The following PLCB4 variants were observed in gnomAD, a reference collection of about 807,000 sequenced individuals.
PLCB4 encodes the protein phospholipase C beta 4.
Under a neutral mutation model 178.8 loss-of-function variants are expected in PLCB4, and 77 were observed. The observed-to-expected ratio is 0.43, with a 90% CI of 0.36 to 0.52. PLCB4 has a LOEUF of 0.52. Ranked by LOEUF, PLCB4 falls within the 20% of genes least tolerant of loss-of-function variation. The probability of loss-of-function intolerance (pLI) is 0.00; values close to 1 mark genes in which losing one functional copy is unlikely to be tolerated. For synonymous variants in PLCB4, 496 were observed against 490.8 expected, an observed-to-expected ratio of 1.01 and a Z score of -0.14; for missense variants, 1,024 against 1,453.4, an observed-to-expected ratio of 0.70 and a Z score of 4.80.
chr20:9,458,735 G>A (rs1344682353), intron 34 of PLCB4, among the ~76,000 whole-genome samples: 1 of 152,098 alleles, frequency 6.6e-6, no homozygotes, highest in Non-Finnish European at 1.5e-5. Context: ...TCCAGCCTCT[G>A]CTTGCATCAC....
intron 32 of PLCB4, among the ~76,000 whole-genome samples, chr20:9,450,509 TACTG>T (rs2122240127): frequency 6.6e-6 from 1 of 152,318 alleles, no homozygotes; most frequent in African/African-American, 2.4e-5. Context: ...GCTTTCCTGT[TACTG>T]ACATTAATTA....
At chr20:9,458,099 AAAG>A (rs2043165024) in intron 34 of PLCB4, among the ~76,000 whole-genome samples, 1 of 152,134 alleles carries the variant, frequency 6.6e-6, no homozygotes, top group Non-Finnish European at 1.5e-5. Context: ...AAGGAAAAAA[AAAG>A]AAAAAAAAAA....
At chr20:9,223,574 G>T (rs994386358) in intron 3 of PLCB4, among the ~76,000 whole-genome samples, 4 of 152,180 alleles carry the variant, frequency 2.6e-5, no homozygotes, top group African/African-American at 9.7e-5. Flanking sequence ...CCAGTCTCAT[G>T]TGGTCTTTTC....
At chr20:9,213,702 C>T (rs67039684) in intron 2 of PLCB4, among the ~76,000 whole-genome samples, 26,791 of 152,024 alleles carry the variant, frequency 0.18, 2,759 homozygotes, top group South Asian at 0.24. Flanking sequence ...CTGGGTAATA[C>T]AGTTACTTCA....
chr20:9,473,291 C>A lies in PLCB4; in HGVS notation c.3421C>A (p.Gln1141Lys). Residue 1141 changes from glutamine to lysine, a missense_variant, in exon 38 of 40, where the codon CAG becomes AAG. By Grantham distance (53) the Gln-to-Lys change is moderately conservative (BLOSUM62 1). Around this residue, in one of 7 missense-constraint regions of PLCB4, gnomAD observed 264 missense variants for 283.2 expected, o/e 0.93. Coordinates refer to ENST00000378473, the MANE Select transcript of PLCB4 (RefSeq NM_001377142.1). ...LEERKRLAMKQSKEMDQLKKV... is the reference protein window; with the variant it reads ...LEERKRLAMKKSKEMDQLKKV... ...TTTTTTTTTGCAGCTTGCCATGAAGCAGTCCAAAGAAATGGATCAGTTGAA... is the reference window on the plus strand; with the variant it reads ...TTTTTTTTTGCAGCTTGCCATGAAGAAGTCCAAAGAAATGGATCAGTTGAA... 4 of 1,536,280 alleles carry A rather than the reference C, an allele frequency of 2.6e-6. No homozygotes were observed. Among genetic ancestry groups the A allele is most frequent in the South Asian group, 1.2e-5 (1 of 81,454 alleles).
At chr20:9,381,376 TC>T (rs1469472897) in intron 13 of PLCB4, among the ~76,000 whole-genome samples, 1 of 152,112 alleles carries the variant, frequency 6.6e-6, no homozygotes, top group Non-Finnish European at 1.5e-5. Flanking sequence ...GTATTTCCCT[TC>T]CCTACCTTCA....
rs532040272 is a variant in PLCB4, at chr20:9,177,878, G to A, written c.-78-39512G>A. 6.6e-5 allele frequency among the ~76,000 whole-genome samples: 10 copies of A among 152,284 alleles called. No homozygotes were observed. In the South Asian group the frequency reaches 2.1e-3, roughly 32 times the overall value. On this transcript the variant is annotated intron_variant, in intron 2 of 39. Transcript: ENST00000378473. ...CTGTCCTCATCTCATTTTGTAGAAG[G>A]AAGATACTTATCTCATCTTTCCAAA...
chr20:9,234,062 G>T (rs1269090311), intron 3 of PLCB4, among the ~76,000 whole-genome samples: 1 of 151,986 alleles, frequency 6.6e-6, no homozygotes, highest in South Asian at 2.1e-4. Flanking sequence ...AGCAAGTTTG[G>T]GAACTATTTT....
At chr20:9,459,906 A>G in intron 35 of PLCB4, 96 bp downstream of exon 35, 5 of 738,740 alleles carry the variant, frequency 6.8e-6, no homozygotes, top group Non-Finnish European at 1.1e-5. Flanking sequence ...AGTGAAATCA[A>G]TTTGACGTAC....
intron 8 of PLCB4, among the ~76,000 whole-genome samples, 200 bp downstream of exon 8, chr20:9,363,175 A>G (rs981254079): frequency 3.9e-5 from 6 of 152,140 alleles, no homozygotes; most frequent in African/African-American, 1.2e-4. Context: ...ATAGCCCAAA[A>G]CCTATATGAA....
At chr20:9,396,564 T>G (rs1408038207) in intron 19 of PLCB4, among the ~76,000 whole-genome samples, 2 of 152,220 alleles carry the variant, frequency 1.3e-5, no homozygotes, top group African/African-American at 4.8e-5. Flanking sequence ...TGGGGATGAT[T>G]TTAGAGAATT....
chr20:9,299,038 C>G (rs1313610325), intron 3 of PLCB4, among the ~76,000 whole-genome samples: 1 of 151,992 alleles, frequency 6.6e-6, no homozygotes, highest in Non-Finnish European at 1.5e-5. Flanking sequence ...AGTTAACGTT[C>G]ATTTTAGTCA....
chr20:9,214,279 G>A (rs942431322), intron 2 of PLCB4, among the ~76,000 whole-genome samples: 1 of 152,058 alleles, frequency 6.6e-6, no homozygotes, highest in Non-Finnish European at 1.5e-5. Flanking sequence ...TGATTCACTT[G>A]GAGCTAATTT....
chr20:9,212,135 G>T (rs1280938305), intron 2 of PLCB4, among the ~76,000 whole-genome samples: 1 of 152,214 alleles, frequency 6.6e-6, no homozygotes, highest in Non-Finnish European at 1.5e-5. Context: ...GGCTTGGAAA[G>T]TGCTTGTGCT....
At chr20:9,328,265 G>C (rs1225084639) in intron 4 of PLCB4, among the ~76,000 whole-genome samples, 1 of 152,140 alleles carries the variant, frequency 6.6e-6, no homozygotes, top group Non-Finnish European at 1.5e-5. Flanking sequence ...GAAAACACAA[G>C]TTGTTGTAGG....
intron 36 of PLCB4, among the ~76,000 whole-genome samples, chr20:9,470,643 G>T (rs1207045793): frequency 6.6e-6 from 1 of 152,162 alleles, no homozygotes; most frequent in Non-Finnish European, 1.5e-5. Context: ...ATTAGCAAGG[G>T]TCTTAAAAAT....
intron 26 of PLCB4, among the ~76,000 whole-genome samples, chr20:9,420,263 G>A (rs909851590): frequency 1.3e-5 from 2 of 152,102 alleles, no homozygotes; most frequent in South Asian, 4.1e-4. Context: ...TGATACAAAT[G>A]TTTATCATCT....
chr20:9,385,523 C>T (rs76766381), intron 14 of PLCB4, among the ~76,000 whole-genome samples: 4 of 145,102 alleles, frequency 2.8e-5, no homozygotes, highest in Admixed American at 6.9e-5. Flanking sequence ...TGGGCAAAGG[C>T]GCTTCTCACA....
intron 30 of PLCB4, among the ~76,000 whole-genome samples, chr20:9,437,998 G>C (rs969354541): frequency 1.2e-4 from 18 of 152,134 alleles, no homozygotes; most frequent in African/African-American, 4.3e-4. Flanking sequence ...GTAAAGCGCT[G>C]TTTAATGAAT....
Sources: gnomAD v4.1 joint callset for allele counts (sites outside exome capture counted in the v4.1 genomes callset) on GRCh38, gnomAD v4.1.1 for gene constraint, gnomAD v4.1.1 regional missense constraint, MANE v1.5 for transcripts, NCBI Gene and HGNC (gene_info 2026-07-23, HGNC 2026-07-21) for gene names.